The following LDLRAD4 variants were observed in gnomAD, a reference collection of about 807,000 sequenced individuals.
The protein encoded by LDLRAD4 is low density lipoprotein receptor class A domain containing 4.
LDLRAD4 carries 5 observed loss-of-function variants against 17.0 expected under a neutral mutation model. The observed-to-expected ratio is 0.29, with a 90% CI of 0.15 to 0.62. The LOEUF (loss-of-function observed/expected upper bound fraction) is 0.62. Ranked by LOEUF, LDLRAD4 falls within the 20% of genes least tolerant of loss-of-function variation. The pLI, the probability that LDLRAD4 is intolerant of heterozygous loss-of-function variation, is 0.84. For synonymous variants in LDLRAD4, 168 were observed against 171.8 expected (o/e 0.98, Z 0.17); for missense variants, 340 against 424.7 (o/e 0.80, Z 1.75).
At chr18:13,499,047 G>A (rs201075840) in intron 3 of LDLRAD4, among the ~76,000 whole-genome samples, 2 of 146,790 alleles carry the variant, frequency 1.4e-5, no homozygotes, top group East Asian at 4.1e-4. Flanking sequence ...TCCTGCCGTG[G>A]ACACCGGAGA....
chr18:13,503,638 G>A (rs2093647007), intron 3 of LDLRAD4, among the ~76,000 whole-genome samples: 1 of 152,178 alleles, frequency 6.6e-6, no homozygotes, highest in Non-Finnish European at 1.5e-5. Context: ...GGGGCGGGAT[G>A]TGCCAGAGGG....
At chr18:13,587,419 C>T (rs12458732) in intron 3 of LDLRAD4, among the ~76,000 whole-genome samples, 9 of 152,184 alleles carry the variant, frequency 5.9e-5, no homozygotes, top group Admixed American at 4.6e-4. Flanking sequence ...TGGTCTTTAC[C>T]GAGAACAGTC....
intron 3 of LDLRAD4, among the ~76,000 whole-genome samples, chr18:13,593,403 C>CCTGT (rs1202879047): frequency 8.4e-6 from 1 of 119,022 alleles, no homozygotes; most frequent in Non-Finnish European, 1.9e-5. Context: ...GATTTGTCTT[C>CCTGT]CTGTCCTTTC....
intron 3 of LDLRAD4, among the ~76,000 whole-genome samples, chr18:13,536,694 C>G (rs1270917091): frequency 6.6e-6 from 1 of 151,970 alleles, no homozygotes; most frequent in Non-Finnish European, 1.5e-5. Context: ...CATGCTTACT[C>G]TGTTCCTCAT....
At chr18:13,456,420 G>A (rs1340617848) in intron 3 of LDLRAD4, among the ~76,000 whole-genome samples, 2 of 152,210 alleles carry the variant, frequency 1.3e-5, no homozygotes, top group South Asian at 2.1e-4. Context: ...AAGGGCGTGC[G>A]TCACGCTATC....
intron 3 of LDLRAD4, chr18:13,521,579 T>C (rs1369169518): frequency 1.3e-5 from 2 of 152,038 alleles, no homozygotes; most frequent in East Asian, 3.9e-4. Context: ...TCCTCTGTCA[T>C]TGCTCTCTTT....
intron 2 of LDLRAD4, among the ~76,000 whole-genome samples, chr18:13,410,333 T>A (rs2088218865): frequency 6.6e-6 from 1 of 152,138 alleles, no homozygotes; most frequent in African/African-American, 2.4e-5. Context: ...CTGGTGAAAT[T>A]CAAATAATAA....
chr18:13,365,007 G>T (rs2083950355), intron 1 of LDLRAD4, among the ~76,000 whole-genome samples: 1 of 152,218 alleles, frequency 6.6e-6, no homozygotes, highest in Non-Finnish European at 1.5e-5. Flanking sequence ...AGCGATGCAG[G>T]TGCTGCTGAG....
intron 3 of LDLRAD4, among the ~76,000 whole-genome samples, chr18:13,458,588 A>G (rs1017370422): frequency 3.9e-5 from 6 of 152,266 alleles, no homozygotes; most frequent in African/African-American, 1.4e-4. Flanking sequence ...ATGCCCCCCA[A>G]CAAAAGGTGT....
chr18:13,621,492 G>A lies in LDLRAD4; in HGVS notation c.336+221G>A, dbSNP rs993406676. Among the ~76,000 whole-genome samples, 2 of 152,220 alleles carry A rather than the reference G, an allele frequency of 1.3e-5. No individual in the cohort carries two copies. Among genetic ancestry groups the A allele is most frequent in the Admixed American group, 6.5e-5 (1 of 15,282 alleles). ...CACAGCAGTCCCCCCAGAAGCCTGC[G>A]TGACCCCTCCCAGGTCTCCCCTGGA... On this transcript the variant is annotated intron_variant, in intron 4 of 5. Coordinates refer to ENST00000359446, the Ensembl canonical transcript of LDLRAD4. This position sits in a 1 kb window ranked among gnomAD's most constrained non-coding sequence, Gnocchi z 5.5.
intron 2 of LDLRAD4, among the ~76,000 whole-genome samples, chr18:13,388,736 G>A (rs1447834534): frequency 2.0e-5 from 3 of 152,220 alleles, no homozygotes; most frequent in Non-Finnish European, 2.9e-5. Context: ...CTCCGCAGTC[G>A]CCGTGGCTTC....
chr18:13,403,860 C>G (rs1386673835), intron 2 of LDLRAD4, among the ~76,000 whole-genome samples: 3 of 152,188 alleles, frequency 2.0e-5, no homozygotes, highest in Non-Finnish European at 4.4e-5. Context: ...TCTGTGAAGC[C>G]TGTGATGATT....
chr18:13,560,079 GA>G (rs2094525137), intron 3 of LDLRAD4, among the ~76,000 whole-genome samples: 1 of 152,182 alleles, frequency 6.6e-6, no homozygotes, highest in African/African-American at 2.4e-5. Flanking sequence ...ATTGGTAGCA[GA>G]AAAAGTGGAA....
chr18:13,612,862 G>C, intron 3 of LDLRAD4: 1 of 1,435,154 alleles, frequency 7.0e-7, no homozygotes, highest in Non-Finnish European at 9.7e-7. Context: ...GGACAGAGCT[G>C]AGAAGAGGAG....
intron 4 of LDLRAD4, among the ~76,000 whole-genome samples, chr18:13,631,555 A>C (rs921262397): frequency 6.6e-6 from 1 of 152,338 alleles, no homozygotes; most frequent in South Asian, 2.1e-4. Flanking sequence ...AAAGATAACC[A>C]TAGACTAATA....
intron 3 of LDLRAD4, chr18:13,561,750 A>G (rs1396952591): frequency 6.6e-6 from 1 of 152,254 alleles, no homozygotes; most frequent in African/African-American, 2.4e-5. Context: ...ATGGAGCATT[A>G]AAATATACAA....
chr18:13,541,090 C>T (rs1047731631), intron 3 of LDLRAD4, among the ~76,000 whole-genome samples: 1 of 152,176 alleles, frequency 6.6e-6, no homozygotes, highest in South Asian at 2.1e-4. Flanking sequence ...CAGAGGCCCA[C>T]ACACACCTCC....
chr18:13,583,065 CT>C lies in LDLRAD4; in HGVS notation c.182-38047del, dbSNP rs1037012458. ...TAATAGGTTTCCATGCTGAAGAGCTCTTTTTGGTCTCTGGGTCTTTTTGATT... is the reference window on the plus strand; with the variant it reads ...TAATAGGTTTCCATGCTGAAGAGCTCTTTTGGTCTCTGGGTCTTTTTGATT... On this transcript the variant is annotated intron_variant, in intron 3 of 5. Coordinates refer to ENST00000359446, the Ensembl canonical transcript of LDLRAD4. Among the ~76,000 whole-genome samples the C allele has an allele frequency of 9.9e-5, 15 of 152,092 alleles. No homozygotes were observed. The East Asian group carries it at 2.9e-3, about 29-fold the overall frequency.
intron 1 of LDLRAD4, among the ~76,000 whole-genome samples, chr18:13,333,555 A>G (rs1043171268): frequency 1.3e-5 from 2 of 152,282 alleles, no homozygotes; most frequent in South Asian, 4.1e-4. Context: ...ATTGAGTTCT[A>G]TGATCTGTTT....
Sources: allele counts gnomAD v4.1 joint callset (sites outside exome capture counted in the v4.1 genomes callset), GRCh38; gene constraint gnomAD v4.1.1; non-coding constraint Gnocchi (gnomAD v3.1); transcripts MANE v1.5; gene names NCBI Gene and HGNC (gene_info 2026-07-23, HGNC 2026-07-21).